KCNB2: variants seen among roughly 807,000 people sequenced by gnomAD.
KCNB2 encodes the protein potassium voltage-gated channel subfamily B member 2, also known as delayed rectifier potassium channel protein.
In KCNB2, 15 loss-of-function variants were observed where a neutral mutation model predicts 61.5. The ratio of observed to expected loss-of-function variants is 0.24; its 90% CI spans 0.16 to 0.38. The LOEUF is 0.38. Ranked by LOEUF, KCNB2 falls within the 10% of genes least tolerant of loss-of-function variation. The pLI is 1.00. For missense variants in KCNB2, 828 were observed against 1,125.2 expected, an observed-to-expected ratio of 0.74 and a Z score of 3.78; for synonymous variants, 457 against 446.0, an observed-to-expected ratio of 1.02 and a Z score of -0.31.
rs187190831 is a variant in KCNB2 at position 72,713,582 on chromosome 8, G to A, written c.579+145269G>A. Among the ~76,000 whole-genome samples, 726 of 152,298 alleles carry A rather than the reference G, an allele frequency of 4.8e-3. 4 individuals carry two copies. The highest frequency in any genetic ancestry group is 0.017 in the African/African-American group (698 of 41,552). ...AGTGGACCTCCAGCAAACTCCAACA[G>A]ACGTGCAGCTGAGGGTCCTGACTGT... On this transcript the variant is annotated intron_variant, in intron 2 of 2. Coordinates refer to ENST00000523207, the MANE Select transcript of KCNB2 (RefSeq NM_004770.3).
chr8:72,926,047 A>G (rs1806640417), intron 2 of KCNB2, among the ~76,000 whole-genome samples: 1 of 152,202 alleles, frequency 6.6e-6, no homozygotes, highest in Non-Finnish European at 1.5e-5. Context: ...CTGAACGATG[A>G]GAACACATGG....
At chr8:72,737,407 G>A (rs145960199) in intron 2 of KCNB2, among the ~76,000 whole-genome samples, 1 of 151,902 alleles carries the variant, frequency 6.6e-6, no homozygotes, top group African/African-American at 2.4e-5. Flanking sequence ...GTGGGACAAG[G>A]TTACACCTTC....
In KCNB2 at chr8:72,624,152, T is replaced by G. The variant is rs917381076; in HGVS notation, c.579+55839T>G. Among the ~76,000 whole-genome samples the G allele has an allele frequency of 8.5e-5, 13 of 152,244 alleles. 1 individual carries two copies. Among genetic ancestry groups the G allele is most frequent in the Admixed American group, 7.9e-4 (12 of 15,282 alleles). The stretch of plus-strand genomic sequence containing the variant: ...TATAATGTTCATATTAGTAAATTAC[T>G]TAAACATAAGCTATTTTACAAATAT... On this transcript the variant is annotated intron_variant, in intron 2 of 2. Coordinates refer to ENST00000523207, the MANE Select transcript of KCNB2 (RefSeq NM_004770.3).
chr8:72,636,489 G>C (rs1478406507), intron 2 of KCNB2, among the ~76,000 whole-genome samples: 5 of 152,250 alleles, frequency 3.3e-5, no homozygotes, highest in African/African-American at 1.2e-4. Flanking sequence ...TTATAATCCT[G>C]ACAGTGACAT....
At position 72,934,939 on chromosome 8, in the gene KCNB2, A is replaced by G. The variant is rs1197136651; in HGVS notation, c.580-996A>G. Among the ~76,000 whole-genome samples the G allele has an allele frequency of 2.0e-5, 3 of 152,058 alleles. No homozygotes were observed. The South Asian group carries it at 6.2e-4, about 32-fold the overall frequency. ...TCCTATATGGCTTTACAGATATTCC[A>G]CATACCTGTCCTTGGCCTTTGTCCT... On this transcript the variant is annotated intron_variant, in intron 2 of 2. Coordinates refer to ENST00000523207, the MANE Select transcript of KCNB2 (RefSeq NM_004770.3).
chr8:72,852,646 G>A (rs1392429090), intron 2 of KCNB2, among the ~76,000 whole-genome samples: 1 of 152,136 alleles, frequency 6.6e-6, no homozygotes, highest in African/African-American at 2.4e-5. Context: ...TGCACAGGAT[G>A]GCAGGGATAC....
intron 1 of KCNB2, among the ~76,000 whole-genome samples, chr8:72,551,734 A>G (rs1417002035): frequency 6.6e-6 from 1 of 152,142 alleles, no homozygotes; most frequent in Non-Finnish European, 1.5e-5. Flanking sequence ...TCAGGCATTT[A>G]CTCATTTAAT....
intron 2 of KCNB2, among the ~76,000 whole-genome samples, chr8:72,697,849 G>T (rs1354966877): frequency 6.6e-6 from 1 of 151,964 alleles, no homozygotes; most frequent in Non-Finnish European, 1.5e-5. Context: ...TTCTAAGTCT[G>T]ATTCTTTTAC....
intron 2 of KCNB2, among the ~76,000 whole-genome samples, chr8:72,874,488 A>G (rs1475328168): frequency 1.3e-5 from 2 of 152,150 alleles, no homozygotes; most frequent in Admixed American, 1.3e-4. Flanking sequence ...CAATAAAGCT[A>G]AGTGACAAGC....
At chr8:72,932,869 TA>T (rs1325006491) in intron 2 of KCNB2, among the ~76,000 whole-genome samples, 2 of 152,170 alleles carry the variant, frequency 1.3e-5, no homozygotes, top group Non-Finnish European at 2.9e-5. Context: ...AATAAGACAA[TA>T]AACTTGCATT....
intron 2 of KCNB2, among the ~76,000 whole-genome samples, chr8:72,672,173 T>C (rs1806576062): frequency 6.6e-6 from 1 of 152,234 alleles, no homozygotes; most frequent in Non-Finnish European, 1.5e-5. Flanking sequence ...CTAGATCCAA[T>C]ATTCATTGAA....
At chr8:72,824,537 A>G (rs1203250217) in intron 2 of KCNB2, among the ~76,000 whole-genome samples, 7 of 152,066 alleles carry the variant, frequency 4.6e-5, no homozygotes, top group Admixed American at 4.6e-4. Context: ...GGTGGTATCT[A>G]AGGAAATCTG....
At chr8:72,624,643 ATTTG>A (rs1372431744) in intron 2 of KCNB2, among the ~76,000 whole-genome samples, 1 of 152,186 alleles carries the variant, frequency 6.6e-6, no homozygotes, top group East Asian at 1.9e-4. Context: ...GTCTGCATTC[ATTTG>A]TTTGGTCAAC....
intron 1 of KCNB2, among the ~76,000 whole-genome samples, chr8:72,546,285 G>T (rs1187245746): frequency 6.6e-6 from 1 of 152,160 alleles, no homozygotes; most frequent in Non-Finnish European, 1.5e-5. Flanking sequence ...GGAGGCCGAG[G>T]CAGGTGGATC....
intron 2 of KCNB2, among the ~76,000 whole-genome samples, chr8:72,797,490 GTT>G (rs1563388206): frequency 6.6e-6 from 1 of 152,142 alleles, no homozygotes; most frequent in Non-Finnish European, 1.5e-5. Context: ...GGCCACAAGA[GTT>G]TAGCTTTTAC....
At chr8:72,874,925 C>A (rs1224690766) in intron 2 of KCNB2, 1 of 152,240 alleles carries the variant, frequency 6.6e-6, no homozygotes. Flanking sequence ...AAAACAAATA[C>A]AACTGATAAT....
intron 2 of KCNB2, among the ~76,000 whole-genome samples, chr8:72,768,725 G>C (rs1292406256): frequency 2.0e-5 from 3 of 152,206 alleles, no homozygotes; most frequent in South Asian, 2.1e-4. Context: ...TGATTTGGGG[G>C]TTAATTTTTA....
At chr8:72,769,238 T>G (rs1808519813) in intron 2 of KCNB2, among the ~76,000 whole-genome samples, 1 of 151,956 alleles carries the variant, frequency 6.6e-6, no homozygotes, top group South Asian at 2.1e-4. Flanking sequence ...ATTAAAAGAT[T>G]CACTGCAAAC....
intron 2 of KCNB2, among the ~76,000 whole-genome samples, chr8:72,823,884 C>G (rs978418464): frequency 3.3e-5 from 5 of 152,156 alleles, no homozygotes; most frequent in Non-Finnish European, 7.3e-5. Context: ...TTTACTTACA[C>G]CTCTAAGGGC....
Sources: allele counts gnomAD v4.1 joint callset (sites outside exome capture counted in the v4.1 genomes callset), GRCh38; gene constraint gnomAD v4.1.1; transcripts MANE v1.5; gene names NCBI Gene and HGNC (gene_info 2026-07-23, HGNC 2026-07-21).